Variants in UBE2U observed in about 807,000 individuals in gnomAD.
The protein encoded by UBE2U is ubiquitin conjugating enzyme E2 U.
In UBE2U, 39 loss-of-function variants were observed where a neutral mutation model predicts 41.2. The ratio of observed to expected loss-of-function variants is 0.95; its 90% CI spans 0.73 to 1.24. The LOEUF (loss-of-function observed/expected upper bound fraction) is 1.24, where lower values mean the gene tolerates loss of function less well. Among genes scored for constraint, UBE2U ranks in the 50% most tolerant of loss-of-function variants. The pLI is 0.00. For missense variants in UBE2U, 336 were observed against 363.1 expected (o/e 0.93, Z 0.61); for synonymous variants, 107 against 117.8 (o/e 0.91, Z 0.60).
At chr1:64,239,175 G>GAAGAA (rs1644781402) in intron 7 of UBE2U, among the ~76,000 whole-genome samples, 10 of 95,444 alleles carry the variant, frequency 1.0e-4, no homozygotes, top group African/African-American at 4.7e-4. Context: ...AGAAGAAGAA[G>GAAGAA]AAGAAGAAGA....
At chr1:64,247,708 TAAA>T (rs1644944019) in intron 8 of UBE2U, among the ~76,000 whole-genome samples, 2 of 151,772 alleles carry the variant, frequency 1.3e-5, no homozygotes, top group South Asian at 4.2e-4. Flanking sequence ...TACAAAAAAT[TAAA>T]AACTTAGCCA....
chr1:64,208,114 T>A (rs1195559249), intron 3 of UBE2U, among the ~76,000 whole-genome samples: 2 of 152,196 alleles, frequency 1.3e-5, no homozygotes, highest in African/African-American at 4.8e-5. Flanking sequence ...ATTCATAAAA[T>A]GTCAAAATAT....
chr1:64,256,142 A>T (rs1487147947), intron 8 of UBE2U, among the ~76,000 whole-genome samples: 1 of 152,228 alleles, frequency 6.6e-6, no homozygotes, highest in African/African-American at 2.4e-5. Context: ...ATGGAAAAAC[A>T]TTCCATGCTC....
chr1:64,217,567 A>G (rs1347175870), intron 5 of UBE2U, among the ~76,000 whole-genome samples: 1 of 152,152 alleles, frequency 6.6e-6, no homozygotes, highest in African/African-American at 2.4e-5. Context: ...GATTTTTTAA[A>G]ATGTAAGTTT....
At chr1:64,239,098 A>AGAG (rs1644740613) in intron 7 of UBE2U, among the ~76,000 whole-genome samples, 1 of 26,118 alleles carries the variant, frequency 3.8e-5, no homozygotes, top group East Asian at 1.5e-3. Flanking sequence ...AAGAGGAAGA[A>AGAG]GAAGAAGAAG....
At chr1:64,253,530 CT>C (rs1645044530) in intron 8 of UBE2U, among the ~76,000 whole-genome samples, 1 of 151,950 alleles carries the variant, frequency 6.6e-6, no homozygotes, top group African/African-American at 2.4e-5. Flanking sequence ...GCCAAGGCAC[CT>C]GTAGGGAAGC....
intron 8 of UBE2U, among the ~76,000 whole-genome samples, chr1:64,254,457 A>T (rs1378099705): frequency 6.6e-6 from 1 of 152,204 alleles, no homozygotes; most frequent in East Asian, 1.9e-4. Context: ...CAAAATATAC[A>T]TTGTTCTCAT....
At chr1:64,241,780 C>A in intron 8 of UBE2U, 47 bp downstream of exon 8, 1 of 1,423,562 alleles carries the variant, frequency 7.0e-7, no homozygotes, top group South Asian at 1.3e-5. Context: ...CTTGAATTGT[C>A]TATTATTCCA....
chr1:64,260,663 A>C lies in UBE2U; in HGVS notation c.738A>C (p.Ser246=). 2 of 1,549,702 alleles carry C rather than the reference A, an allele frequency of 1.3e-6. No individual in the cohort carries two copies. The change falls in exon 9 of 10, where the codon TCA becomes TCC. Residue 246 remains serine, a synonymous_variant. Coordinates refer to ENST00000371077, the MANE Select transcript of UBE2U (RefSeq NM_001366232.2). ...GAATGCCTCATGAAGTCACTCACTC[A>C]ATGGAAGAAATTAAGCTCTGCCCAA... is the stretch of plus-strand genomic sequence containing the variant. ...RKRMPHEVTH[S]MEEIKLCPTL... is the part of the protein sequence containing the mutation.
chr1:64,226,166 G>T (rs1015910663), intron 6 of UBE2U, among the ~76,000 whole-genome samples: 1 of 151,978 alleles, frequency 6.6e-6, no homozygotes, highest in African/African-American at 2.4e-5. Flanking sequence ...TTAATATATA[G>T]AATACTATCA....
At chr1:64,239,166 G>GAAGAA (rs1644776052) in intron 7 of UBE2U, among the ~76,000 whole-genome samples, 1 of 84,720 alleles carries the variant, frequency 1.2e-5, no homozygotes, top group East Asian at 5.1e-4. Context: ...GAAAGAAGAA[G>GAAGAA]AAGAAGAAGA....
At chr1:64,238,605 G>C (rs1263404662) in intron 7 of UBE2U, among the ~76,000 whole-genome samples, 1 of 152,058 alleles carries the variant, frequency 6.6e-6, no homozygotes, top group African/African-American at 2.4e-5. Flanking sequence ...GCTTACATGT[G>C]TTTGAAGCAA....
chr1:64,253,913 A>T (rs1344418681), intron 8 of UBE2U, among the ~76,000 whole-genome samples: 1 of 152,162 alleles, frequency 6.6e-6, no homozygotes, highest in East Asian at 1.9e-4. Flanking sequence ...ACACATAACA[A>T]TACTAATCTT....
chr1:64,247,100 C>G (rs1410557715), intron 8 of UBE2U, among the ~76,000 whole-genome samples: 4 of 53,966 alleles, frequency 7.4e-5, no homozygotes. Context: ...ATAGTTATGT[C>G]TTTCTCCTAC....
At chr1:64,244,167 G>C (rs755392362) in intron 8 of UBE2U, 1 of 1,607,750 alleles carries the variant, frequency 6.2e-7, no homozygotes. Flanking sequence ...TAGGGGAAGA[G>C]CATGAGCTTC....
At chr1:64,247,968 G>A (rs1320529181) in intron 8 of UBE2U, among the ~76,000 whole-genome samples, 3 of 151,830 alleles carry the variant, frequency 2.0e-5, no homozygotes, top group African/African-American at 7.3e-5. Flanking sequence ...CCTCTGCCAT[G>A]AGTGGAAACA....
chr1:64,260,572 T>C, intron 8 of UBE2U, 31 bp from the exon 9 acceptor site: 3 of 1,507,516 alleles, frequency 2.0e-6, no homozygotes, highest in Non-Finnish European at 2.7e-6. Context: ...AAAATTCATT[T>C]GGGAATTTAG....
chr1:64,247,172 T>C (rs1644934786), intron 8 of UBE2U, among the ~76,000 whole-genome samples: 1 of 151,338 alleles, frequency 6.6e-6, no homozygotes, highest in South Asian at 2.1e-4. Context: ...TTTTTATGAA[T>C]TCAGTATTCT....
chr1:64,235,180 A>G (rs1644642684), intron 7 of UBE2U, among the ~76,000 whole-genome samples: 1 of 152,186 alleles, frequency 6.6e-6, no homozygotes, highest in South Asian at 2.1e-4. Context: ...AAAATGTTTA[A>G]TTTTGTTGTT....
Sources: allele counts gnomAD v4.1 joint callset (sites outside exome capture counted in the v4.1 genomes callset), GRCh38; gene constraint gnomAD v4.1.1; transcripts MANE v1.5; gene names NCBI Gene and HGNC (gene_info 2026-07-23, HGNC 2026-07-21).